Variants in APLF observed in about 807,000 individuals in gnomAD.
APLF encodes aprataxin and PNK-like factor.
APLF carries 61 observed loss-of-function variants against 55.6 expected under a neutral mutation model. The observed-to-expected ratio is 1.10, with a 90% CI of 0.89 to 1.36. The LOEUF (loss-of-function observed/expected upper bound fraction) is 1.36, where lower values mean the gene tolerates loss of function less well. Ranked by LOEUF, APLF falls within the 40% of genes most tolerant of loss-of-function variation. The probability of loss-of-function intolerance (pLI) is 0.00; values close to 1 mark genes in which losing one functional copy is unlikely to be tolerated. For synonymous variants in APLF, 207 were observed against 214.8 expected (o/e 0.96, Z 0.32); for missense variants, 611 against 602.5 (o/e 1.01, Z -0.15).
chr2:68,471,982 T>C (rs1261751053), intron 1 of APLF, among the ~76,000 whole-genome samples: 2 of 152,132 alleles, frequency 1.3e-5, no homozygotes, highest in Non-Finnish European at 2.9e-5. Context: ...AGAAATACAT[T>C]GGTTTGGTTC....
At chr2:68,530,704 C>T (rs1457956675) in intron 6 of APLF, among the ~76,000 whole-genome samples, 1 of 152,190 alleles carries the variant, frequency 6.6e-6, no homozygotes, top group Non-Finnish European at 1.5e-5. Context: ...CTATTCACCA[C>T]ACACATGATG....
intron 1 of APLF, among the ~76,000 whole-genome samples, chr2:68,476,793 T>C (rs1399589724): frequency 6.6e-6 from 1 of 152,160 alleles, no homozygotes; most frequent in African/African-American, 2.4e-5. Context: ...AGGTTTCCTT[T>C]TGGAGTGATG....
chr2:68,513,033 G>A (rs1669447053), intron 3 of APLF, 47 bp from the exon 4 acceptor site: 14 of 1,528,092 alleles, frequency 9.2e-6, no homozygotes, highest in Non-Finnish European at 1.2e-5. Context: ...GGCAGCAGAA[G>A]TGTGTTAAAT....
rs565245636 is a variant in APLF, at chr2:68,514,487, G to A, written c.622+807G>A. Among the ~76,000 whole-genome samples the A allele has an allele frequency of 1.1e-4, 17 of 151,952 alleles. 1 individual carries two copies. In the South Asian group the frequency reaches 2.9e-3, roughly 26 times the overall value. On this transcript the variant is annotated intron_variant, in intron 5 of 9. Coordinates refer to ENST00000303795, the MANE Select transcript of APLF (RefSeq NM_173545.3). ...ATTCAGAGCCTACCCTGTTTCCCCT[G>A]TTATGTATGGCAGCTGCAGTGTCTA...
At chr2:68,468,769 G>T (rs1333541685) in intron 1 of APLF, among the ~76,000 whole-genome samples, 1 of 152,192 alleles carries the variant, frequency 6.6e-6, no homozygotes, top group African/African-American at 2.4e-5. Context: ...GGCATACAAA[G>T]ATGAATGGAA....
chr2:68,476,156 T>C lies in APLF; in HGVS notation c.96+8329T>C, dbSNP rs541894778. Reference sequence around the variant, plus strand: ...GAAGTATTGTGTAAAGTAATGTTTTTTGTGTGTATTATGCTCTTTCCCAAT... The same window carrying C: ...GAAGTATTGTGTAAAGTAATGTTTTCTGTGTGTATTATGCTCTTTCCCAAT... On this transcript the variant is annotated intron_variant, in intron 1 of 9. Transcript: ENST00000303795. Among the ~76,000 whole-genome samples the C allele has an allele frequency of 3.7e-4, 56 of 152,150 alleles. No individual in the cohort carries two copies. The Middle Eastern group carries it at 0.014, about 37-fold the overall frequency.
At chr2:68,535,971 T>G (rs1264788836) in intron 6 of APLF, among the ~76,000 whole-genome samples, 1 of 152,214 alleles carries the variant, frequency 6.6e-6, no homozygotes, top group Admixed American at 6.5e-5. Context: ...TACATTTTAT[T>G]GAACATCTGT....
chr2:68,528,906 T>C (rs1363515891), intron 6 of APLF: 16 of 1,522,554 alleles, frequency 1.1e-5, no homozygotes, highest in Non-Finnish European at 1.4e-5. Flanking sequence ...GGCCTAGAGG[T>C]GGAGGCTGCT....
At chr2:68,511,653 T>G (rs1311802539) in intron 3 of APLF, among the ~76,000 whole-genome samples, 3 of 151,678 alleles carry the variant, frequency 2.0e-5, no homozygotes, top group Non-Finnish European at 3.0e-5. Flanking sequence ...TGTTAAATAT[T>G]AAGAAAACTT....
chr2:68,551,571 A>G (rs139285234), intron 8 of APLF, among the ~76,000 whole-genome samples: 8 of 141,838 alleles, frequency 5.6e-5, no homozygotes, highest in South Asian at 2.3e-4. Flanking sequence ...TGTATTTTCC[A>G]GTTCTAGGAT....
chr2:68,517,462 A>G (rs1669648569), intron 5 of APLF, among the ~76,000 whole-genome samples: 1 of 138,948 alleles, frequency 7.2e-6, no homozygotes, highest in South Asian at 2.3e-4. Context: ...ATATATTAAT[A>G]TATCAATGTT....
At chr2:68,518,945 T>C in intron 5 of APLF, among the ~76,000 whole-genome samples, 1 of 123,584 alleles carries the variant, frequency 8.1e-6, no homozygotes, top group Non-Finnish European at 1.6e-5. Flanking sequence ...ATATATTATA[T>C]AATATTATTA....
chr2:68,552,203 G>A (rs142745191), intron 8 of APLF, among the ~76,000 whole-genome samples: 3 of 152,160 alleles, frequency 2.0e-5, no homozygotes, highest in African/African-American at 4.8e-5. Flanking sequence ...TCTGAAACAC[G>A]ACTTGAGCTG....
At chr2:68,513,703 G>A (rs1333059780) in intron 5 of APLF, 23 bp downstream of exon 5, 1 of 1,606,770 alleles carries the variant, frequency 6.2e-7, no homozygotes, top group Non-Finnish European at 8.5e-7. Flanking sequence ...TTCTACTAAT[G>A]CTGACTTTAA....
intron 3 of APLF, among the ~76,000 whole-genome samples, chr2:68,504,744 A>G (rs996540330): frequency 6.6e-6 from 1 of 152,084 alleles, no homozygotes; most frequent in Non-Finnish European, 1.5e-5. Context: ...TGCAGATGAC[A>G]TGATTTGTAT....
intron 8 of APLF, among the ~76,000 whole-genome samples, chr2:68,560,513 T>TA: frequency 6.6e-6 from 1 of 152,264 alleles, no homozygotes; most frequent in Non-Finnish European, 1.5e-5. Context: ...CTATGTTCCT[T>TA]ACAGTATTTA....
At chr2:68,488,563 T>G (rs1216679216) in intron 1 of APLF, among the ~76,000 whole-genome samples, 2 of 151,990 alleles carry the variant, frequency 1.3e-5, no homozygotes, top group South Asian at 2.1e-4. Flanking sequence ...CTTGAATTCC[T>G]GGGCTCAAGG....
intron 1 of APLF, among the ~76,000 whole-genome samples, chr2:68,479,257 C>A (rs942381574): frequency 2.0e-5 from 3 of 152,100 alleles, no homozygotes; most frequent in Non-Finnish European, 4.4e-5. Flanking sequence ...AGGATTACAC[C>A]ATTGAAGACA....
chr2:68,518,888 A>G (rs1432264394), intron 5 of APLF, among the ~76,000 whole-genome samples: 1 of 126,086 alleles, frequency 7.9e-6, no homozygotes, highest in Non-Finnish European at 1.6e-5. Context: ...AAATATTAAT[A>G]TTATATCATT....
Sources: gnomAD v4.1 joint callset for allele counts (sites outside exome capture counted in the v4.1 genomes callset) on GRCh38, gnomAD v4.1.1 for gene constraint, MANE v1.5 for transcripts, NCBI Gene and HGNC (gene_info 2026-07-23, HGNC 2026-07-21) for gene names.